The following PAFAH2 variants were observed in gnomAD, a reference collection of about 807,000 sequenced individuals.
The protein encoded by PAFAH2 is platelet-activating factor acetylhydrolase 2, cytoplasmic.
Under a neutral mutation model 49.0 loss-of-function variants are expected in PAFAH2, and 42 were observed. That is an observed-to-expected ratio of 0.86 (90% CI 0.67 to 1.11). PAFAH2 has a LOEUF of 1.11. PAFAH2 is among the 50% of genes least tolerant of loss of function. The probability of loss-of-function intolerance (pLI) is 0.00; values close to 1 mark genes in which losing one functional copy is unlikely to be tolerated. For missense variants in PAFAH2, 503 were observed against 501.8 expected, an observed-to-expected ratio of 1.00 and a Z score of -0.02; for synonymous variants, 184 against 181.3, an observed-to-expected ratio of 1.01 and a Z score of -0.12.
In PAFAH2 at chr1:25,991,003, A is replaced by G; in HGVS notation, c.-47-140T>C. 9 of 549,438 alleles carry G rather than the reference A, an allele frequency of 1.6e-5. No individual in the cohort carries two copies. In the South Asian group the frequency reaches 2.1e-4, roughly 13 times the overall value. 34.0% of individuals were successfully genotyped at this position (549,438 alleles called of 1,614,324 possible). A position where few individuals can be genotyped will look rare whatever the true frequency, so the allele number is the denominator to read the frequency against. On this transcript the variant is annotated intron_variant, in intron 1 of 10. Coordinates refer to ENST00000374282, the MANE Select transcript of PAFAH2 (RefSeq NM_000437.4). ...CCGTCGCTCATTAAATCTTGCACCT[A>G]CTACTTTGCTACATTGCCTTTGCCA...
chr1:25,992,756 G>A (rs1209184099), intron 1 of PAFAH2, among the ~76,000 whole-genome samples: 1 of 152,132 alleles, frequency 6.6e-6, no homozygotes, highest in Non-Finnish European at 1.5e-5. Context: ...CTTGTGATTT[G>A]GGTGGGGCTG....
At chr1:25,971,060 A>T (rs1242881605) in intron 10 of PAFAH2, among the ~76,000 whole-genome samples, 4 of 152,210 alleles carry the variant, frequency 2.6e-5, no homozygotes, top group African/African-American at 7.2e-5. Flanking sequence ...ATATCTAGGG[A>T]ACTGCCAGGT....
intron 1 of PAFAH2, among the ~76,000 whole-genome samples, chr1:25,997,012 C>T (rs920166276): frequency 9.9e-5 from 15 of 152,216 alleles, no homozygotes; most frequent in Non-Finnish European, 2.1e-4. Flanking sequence ...CCCAGAGGAG[C>T]CCAGAGGGAA....
intron 2 of PAFAH2, among the ~76,000 whole-genome samples, chr1:25,989,840 G>A (rs1202718186): frequency 1.3e-5 from 2 of 152,204 alleles, no homozygotes; most frequent in Non-Finnish European, 2.9e-5. Context: ...GAATTACATT[G>A]TGGGAGGGGG....
At chr1:25,989,802 C>T (rs1245824449) in intron 2 of PAFAH2, among the ~76,000 whole-genome samples, 6 of 152,198 alleles carry the variant, frequency 3.9e-5, no homozygotes, top group African/African-American at 9.7e-5. Flanking sequence ...GTAAAGCTTA[C>T]GTTATTTCAA....
rs1267722141 is a variant in PAFAH2 at position 25,989,585 on chromosome 1, A to G, written c.107T>C (p.Leu36Pro). ...CTCTGCCTTTTGGCAGGGGTAGAAG[A>G]GTCGAAAGAAGCTCCCCTGTAGGAA... ...GQNLQGSFFR[L>P]FYPCQKAEET... Residue 36 changes from leucine to proline, a missense_variant, in exon 3 of 11, where the codon CTC becomes CCC. Leu to Pro is a moderately conservative substitution (Grantham distance 98). Transcript: ENST00000374282. The G allele has an allele frequency of 4.4e-6, 7 of 1,585,530 alleles. No homozygotes were observed. Among genetic ancestry groups the G allele is most frequent in the Non-Finnish European group, 5.1e-6 (6 of 1,166,798 alleles).
rs1485269959 is a variant in PAFAH2 at position 25,991,007 on chromosome 1, C to T, written c.-47-144G>A. ...CGCTCATTAAATCTTGCACCTACTA[C>T]TTTGCTACATTGCCTTTGCCAAGGT... On this transcript the variant is annotated intron_variant, in intron 1 of 10. Transcript: ENST00000374282. The T allele has an allele frequency of 9.1e-6, 5 of 547,612 alleles. No homozygotes were observed. In the East Asian group the frequency reaches 1.5e-4, roughly 17 times the overall value. 33.9% of individuals were successfully genotyped at this position (547,612 alleles called of 1,614,324 possible).
At chr1:25,965,710 C>G (rs1343374240) in intron 10 of PAFAH2, among the ~76,000 whole-genome samples, 3 of 148,618 alleles carry the variant, frequency 2.0e-5, no homozygotes, top group African/African-American at 5.0e-5. Context: ...CCCAGCTACT[C>G]AGGAGGCTGA....
intron 7 of PAFAH2, among the ~76,000 whole-genome samples, chr1:25,978,414 A>G (rs973771460): frequency 3.9e-5 from 6 of 152,172 alleles, no homozygotes; most frequent in African/African-American, 1.4e-4. Context: ...CTGGCGCTGT[A>G]TATTTTTGTA....
chr1:25,971,736 A>C (rs1293727102), intron 10 of PAFAH2, among the ~76,000 whole-genome samples: 4 of 152,130 alleles, frequency 2.6e-5, no homozygotes, highest in Non-Finnish European at 5.9e-5. Context: ...CTTTGTAACC[A>C]ATAAAGCTTA....
intron 7 of PAFAH2, among the ~76,000 whole-genome samples, chr1:25,979,319 C>CT (rs68030738): frequency 0.33 from 20,675 of 61,982 alleles, 1,778 homozygotes; most frequent in East Asian, 0.54. Flanking sequence ...TTACCAATGC[C>CT]TTTTTTTTTT....
chr1:25,968,781 G>A (rs2049465774), intron 10 of PAFAH2, among the ~76,000 whole-genome samples: 1 of 152,130 alleles, frequency 6.6e-6, no homozygotes, highest in Non-Finnish European at 1.5e-5. Context: ...CCAGGGTGGA[G>A]TGCAGTGGCA....
rs776507011 is a variant in PAFAH2 at position 25,989,476 on chromosome 1, G to A, written c.216C>T (p.Cys72=). 1.9e-5 allele frequency: 30 copies of A among 1,608,136 alleles called. No homozygotes were observed. Among genetic ancestry groups the A allele is most frequent in the African/African-American group, 4.0e-5 (3 of 74,652 alleles). The part of the protein sequence containing the change: ...LAEYLQFNKR[C]GGLLFNLAVG... The stretch of plus-strand genomic sequence containing the variant: ...CCGCCAGGTTGAACAGCAAGCCCCC[G>A]CAGCGCTTATTAAACTGCAGGTACT... Residue 72 remains cysteine (C), a synonymous_variant, in exon 3 of 11, where the codon TGC becomes TGT. Coordinates refer to ENST00000374282, the MANE Select transcript of PAFAH2 (RefSeq NM_000437.4).
At chr1:25,973,784 A>C (rs1218552435) in intron 9 of PAFAH2, among the ~76,000 whole-genome samples, 1 of 152,180 alleles carries the variant, frequency 6.6e-6, no homozygotes, top group Non-Finnish European at 1.5e-5. Context: ...ATTCTGCTGA[A>C]ATAGGAACCA....
At position 25,996,415 on chromosome 1, in the gene PAFAH2, G is replaced by A. The variant is rs561926234; in HGVS notation, c.-48+1610C>T. 4.3e-4 allele frequency among the ~76,000 whole-genome samples: 65 copies of A among 151,820 alleles called. 1 individual carries two copies. Among genetic ancestry groups the A allele is most frequent in the South Asian group, 4.2e-3 (20 of 4,798 alleles). ...GGCGCGGTGGGAGGCCGAGGCGGGC[G>A]GATCAGGAGGTCAGGAGATCGAGAC... On this transcript the variant is annotated intron_variant, in intron 1 of 10. Coordinates refer to ENST00000374282, the MANE Select transcript of PAFAH2 (RefSeq NM_000437.4).
At chr1:25,973,926 GT>G (rs940681639) in intron 9 of PAFAH2, among the ~76,000 whole-genome samples, 2 of 152,110 alleles carry the variant, frequency 1.3e-5, no homozygotes, top group African/African-American at 4.8e-5. Flanking sequence ...CACTAAAAAT[GT>G]TTTTTTCCCT....
chr1:25,978,202 A>G (rs1052154929), intron 7 of PAFAH2, among the ~76,000 whole-genome samples: 2 of 152,178 alleles, frequency 1.3e-5, no homozygotes, highest in Non-Finnish European at 1.5e-5. Flanking sequence ...CCTCTTCAAC[A>G]TTAAAAAAAA....
In PAFAH2 at chr1:25,959,872, T is replaced by C. The variant is rs2124302323; in HGVS notation, c.*2117A>G. 1 of 152,216 alleles carries C rather than the reference T, an allele frequency of 6.6e-6. No individual in the cohort carries two copies. The highest frequency in any genetic ancestry group is 1.9e-4 in the East Asian group (1 of 5,200). 9.4% of individuals were successfully genotyped at this position (152,216 alleles called of 1,614,324 possible). A position where few individuals can be genotyped will look rare whatever the true frequency, so the allele number is the denominator to read the frequency against. On this transcript the variant is annotated 3_prime_UTR_variant, in exon 11 of 11. Coordinates refer to ENST00000374282, the MANE Select transcript of PAFAH2 (RefSeq NM_000437.4). ...CAAATTTTGAAGGATGGAAACCATA[T>C]GGGTCATTTTCTCTGACCACAAAGC...
intron 7 of PAFAH2, among the ~76,000 whole-genome samples, chr1:25,979,980 G>A (rs551429289): frequency 6.6e-6 from 1 of 152,288 alleles, no homozygotes; most frequent in East Asian, 1.9e-4. Flanking sequence ...TCCAAGTCTC[G>A]TGGGGGTTGA....
Sources: gnomAD v4.1 joint callset for allele counts (sites outside exome capture counted in the v4.1 genomes callset) on GRCh38, gnomAD v4.1.1 for gene constraint, MANE v1.5 for transcripts, NCBI Gene and HGNC (gene_info 2026-07-23, HGNC 2026-07-21) for gene names.